Variants in CCDC178 observed in about 807,000 individuals in gnomAD.
The protein encoded by CCDC178 is coiled-coil domain containing 178.
Under a neutral mutation model 117.4 loss-of-function variants are expected in CCDC178, and 126 were observed. The observed-to-expected ratio is 1.07, with a 90% confidence interval of 0.93 to 1.24. The LOEUF is 1.24. Ranked by LOEUF, CCDC178 falls within the 50% of genes most tolerant of loss-of-function variation. The pLI is 0.00. For synonymous variants in CCDC178, 283 were observed against 313.4 expected (o/e 0.90, Z 1.02); for missense variants, 1,030 against 986.9 (o/e 1.04, Z -0.59).
chr18:32,973,766 CTGAAAAGTG>C (rs940573441), intron 22 of CCDC178, among the ~76,000 whole-genome samples: 1 of 152,042 alleles, frequency 6.6e-6, no homozygotes, highest in African/African-American at 2.4e-5. Context: ...TTTCATATTA[CTGAAAAGTG>C]TGATTTTATG....
intron 11 of CCDC178, among the ~76,000 whole-genome samples, chr18:33,306,412 T>TTGTG (rs71159815): frequency 0.5 from 62,869 of 126,008 alleles, 17,394 homozygotes; most frequent in East Asian, 0.58. Flanking sequence ...TATTGGATCT[T>TTGTG]TGTGTGTGTG....
At position 33,371,482 on chromosome 18, in the gene CCDC178, G is replaced by A. The variant is rs181295273; in HGVS notation, c.209-1293C>T. 2.5e-3 allele frequency among the ~76,000 whole-genome samples: 380 copies of A among 151,862 alleles called. 1 individual carries two copies. The highest frequency in any genetic ancestry group is 8.5e-3 in the African/African-American group (354 of 41,466). Reference sequence around the variant, plus strand: ...AATTATATAACTTGTCTAAGTCTACGGAACAGGTAGGTAGGAGAACTGAGA... The same window carrying A: ...AATTATATAACTTGTCTAAGTCTACAGAACAGGTAGGTAGGAGAACTGAGA... On this transcript the variant is annotated intron_variant, in intron 5 of 22. Transcript: ENST00000383096.
chr18:32,945,744 G>A (rs1005595402), intron 22 of CCDC178, among the ~76,000 whole-genome samples: 4 of 151,994 alleles, frequency 2.6e-5, no homozygotes, highest in Non-Finnish European at 4.4e-5. Flanking sequence ...AGCAGATCTC[G>A]TATTGCTGAT....
At chr18:33,174,904 G>C (rs935209317) in intron 20 of CCDC178, among the ~76,000 whole-genome samples, 3 of 151,960 alleles carry the variant, frequency 2.0e-5, no homozygotes, top group Admixed American at 6.6e-5. Context: ...TCCCAGGCTG[G>C]AGTGCAGTGG....
At chr18:33,384,108 A>C (rs575970797) in intron 5 of CCDC178, among the ~76,000 whole-genome samples, 122 of 152,224 alleles carry the variant, frequency 8.0e-4, no homozygotes, top group African/African-American at 2.8e-3. Flanking sequence ...AGAAGAGAGA[A>C]TATCAGAGCT....
At chr18:33,070,220 G>A (rs1358456078) in intron 21 of CCDC178, among the ~76,000 whole-genome samples, 1 of 151,958 alleles carries the variant, frequency 6.6e-6, no homozygotes, top group Admixed American at 6.6e-5. Flanking sequence ...AGGAATACCT[G>A]CACCCGCATG....
chr18:33,020,179 C>G (rs1156764878), intron 21 of CCDC178, among the ~76,000 whole-genome samples: 1 of 148,540 alleles, frequency 6.7e-6, no homozygotes, highest in Non-Finnish European at 1.5e-5. Flanking sequence ...AGGCTGGTCT[C>G]AAACTCCTGG....
chr18:33,231,615 G>C (rs1045265003), intron 15 of CCDC178, among the ~76,000 whole-genome samples: 16 of 152,164 alleles, frequency 1.1e-4, no homozygotes, highest in African/African-American at 3.9e-4. Context: ...TATCAACAGA[G>C]GGCAGGGGAC....
chr18:33,413,349 G>T (rs1377236097), intron 2 of CCDC178, among the ~76,000 whole-genome samples: 1 of 151,982 alleles, frequency 6.6e-6, no homozygotes, highest in Admixed American at 6.6e-5. Context: ...CTATAGAAAA[G>T]AGCATAACTA....
At chr18:33,080,727 T>C (rs921096263) in intron 21 of CCDC178, among the ~76,000 whole-genome samples, 6 of 152,188 alleles carry the variant, frequency 3.9e-5, no homozygotes, top group African/African-American at 7.2e-5. Context: ...AGTTGTTTCA[T>C]GGTGTTTTTA....
intron 18 of CCDC178, among the ~76,000 whole-genome samples, chr18:33,220,632 G>T (rs560512446): frequency 6.6e-6 from 1 of 152,140 alleles, no homozygotes; most frequent in South Asian, 2.1e-4. Flanking sequence ...GTACTTCACA[G>T]GGTTGCTGTG....
At chr18:33,086,634 T>G (rs970464416) in intron 21 of CCDC178, among the ~76,000 whole-genome samples, 3 of 152,084 alleles carry the variant, frequency 2.0e-5, no homozygotes. Context: ...ATTTTAAATA[T>G]ACAAATGCAG....
intron 22 of CCDC178, among the ~76,000 whole-genome samples, chr18:32,968,458 T>C (rs189886900): frequency 3.9e-5 from 6 of 152,084 alleles, no homozygotes; most frequent in African/African-American, 1.4e-4. Context: ...GCAATGAACA[T>C]GGGAATGGGA....
chr18:33,210,073 T>C (rs187718647), intron 20 of CCDC178, among the ~76,000 whole-genome samples: 122 of 152,198 alleles, frequency 8.0e-4, no homozygotes, highest in African/African-American at 2.7e-3. Flanking sequence ...ACTAGCAGCA[T>C]GTGGACAGCA....
At chr18:33,204,375 C>A (rs1011415736) in intron 20 of CCDC178, among the ~76,000 whole-genome samples, 4 of 151,958 alleles carry the variant, frequency 2.6e-5, no homozygotes, top group Admixed American at 2.0e-4. Flanking sequence ...TTTCTCTCAA[C>A]CAAACAAAAT....
chr18:33,008,589 C>T (rs751394422), intron 21 of CCDC178, among the ~76,000 whole-genome samples: 4 of 152,018 alleles, frequency 2.6e-5, no homozygotes, highest in Non-Finnish European at 5.9e-5. Flanking sequence ...ATTTTGCTCT[C>T]TCCTGTTTCT....
At chr18:32,945,760 T>C (rs1251848383) in intron 22 of CCDC178, among the ~76,000 whole-genome samples, 1 of 152,178 alleles carries the variant, frequency 6.6e-6, no homozygotes, top group Non-Finnish European at 1.5e-5. Flanking sequence ...CTGATGTTTG[T>C]GTCTTGTTTT....
At chr18:33,006,435 T>C (rs2144785135) in intron 21 of CCDC178, among the ~76,000 whole-genome samples, 1 of 152,256 alleles carries the variant, frequency 6.6e-6, no homozygotes, top group Non-Finnish European at 1.5e-5. Flanking sequence ...TTGCATAGTG[T>C]TTAAATTTTA....
chr18:33,147,985 G>A (rs571943768), intron 20 of CCDC178, among the ~76,000 whole-genome samples: 104 of 152,026 alleles, frequency 6.8e-4, no homozygotes, highest in Middle Eastern at 3.4e-3. Flanking sequence ...CGGCGGCCGG[G>A]CAGGGGCTGC....
Sources: gnomAD v4.1 joint callset for allele counts (sites outside exome capture counted in the v4.1 genomes callset) on GRCh38, gnomAD v4.1.1 for gene constraint, MANE v1.5 for transcripts, NCBI Gene and HGNC (gene_info 2026-07-23, HGNC 2026-07-21) for gene names.